Variants in RNF38 observed in about 807,000 individuals in gnomAD.
RNF38 encodes ring finger protein 38, also known as E3 ubiquitin-protein ligase RNF38.
Under a neutral mutation model 67.2 loss-of-function variants are expected in RNF38, and 15 were observed. That is an observed-to-expected ratio of 0.22 (90% CI 0.15 to 0.34). The LOEUF (loss-of-function observed/expected upper bound fraction) is 0.34, where lower values mean the gene tolerates loss of function less well. Among genes scored for constraint, RNF38 ranks in the 10% least tolerant of loss-of-function variants. The pLI is 1.00. For synonymous variants in RNF38, 220 were observed against 218.8 expected, an observed-to-expected ratio of 1.01 and a Z score of -0.05; for missense variants, 524 against 639.9, an observed-to-expected ratio of 0.82 and a Z score of 1.95.
intron 3 of RNF38, among the ~76,000 whole-genome samples, chr9:36,374,538 G>A (rs893305187): frequency 2.6e-5 from 4 of 152,026 alleles, no homozygotes; most frequent in African/African-American, 9.7e-5. Context: ...GCAGTGGTGC[G>A]GTCTTGGCTC....
At chr9:36,483,663 G>A (rs368157343) in intron 1 of RNF38, among the ~76,000 whole-genome samples, 53 of 152,286 alleles carry the variant, frequency 3.5e-4, no homozygotes, top group Middle Eastern at 3.4e-3. Context: ...AGGTTCAGAC[G>A]GCTGAACCTC....
At chr9:36,400,291 C>G (rs1411253099), upstream of RNF38, 9 of 1,295,712 alleles carry the variant, frequency 6.9e-6, no homozygotes, top group Middle Eastern at 4.0e-4. Flanking sequence ...CCCTTTCGAC[C>G]GGGTTCCGCG....
At chr9:36,364,243 A>G (rs568762837) in intron 4 of RNF38, among the ~76,000 whole-genome samples, 3 of 152,282 alleles carry the variant, frequency 2.0e-5, no homozygotes, top group African/African-American at 7.2e-5. Context: ...ACAGGGATGA[A>G]GACCTTTATG....
At chr9:36,423,511 C>A (rs550302332) in intron 2 of RNF38, among the ~76,000 whole-genome samples, 1 of 152,238 alleles carries the variant, frequency 6.6e-6, no homozygotes, top group Admixed American at 6.5e-5. Context: ...ATATAACACG[C>A]AGAAAATGGG....
chr9:36,481,016 CTTT>C (rs1160092271), intron 1 of RNF38, among the ~76,000 whole-genome samples: 6 of 136,154 alleles, frequency 4.4e-5, no homozygotes, highest in Non-Finnish European at 3.2e-5. Flanking sequence ...TCTTCTCTTT[CTTT>C]TTTTTTTTTT....
Position 36,364,423 on chromosome 9 carries a change from G to A in RNF38, c.570+5296C>T, listed in dbSNP as rs73648744. Among the ~76,000 whole-genome samples, 571 of 151,936 alleles carry A rather than the reference G, an allele frequency of 3.8e-3. 3 individuals are homozygous for A. The highest frequency in any genetic ancestry group is 0.013 in the African/African-American group (547 of 41,424). ...TATGTGTATTTTCAACAGTGTAGAG[G>A]GTTGGTACCTCTAACCCCTGTATTT... On this transcript the variant is annotated intron_variant, in intron 4 of 11. Transcript: ENST00000259605.
chr9:36,447,621 A>T (rs1277106396), intron 1 of RNF38, among the ~76,000 whole-genome samples: 1 of 152,216 alleles, frequency 6.6e-6, no homozygotes, highest in South Asian at 2.1e-4. Context: ...GCCACCGAAG[A>T]AGCCTAATGA....
At chr9:36,404,914 T>TG (rs908773984), upstream of RNF38, among the ~76,000 whole-genome samples, 1 of 99,058 alleles carries the variant, frequency 1.0e-5, no homozygotes, top group Non-Finnish European at 2.5e-5. Flanking sequence ...TTTGTAGTTT[T>TG]GTTTTTTTTT....
intron 1 of RNF38, among the ~76,000 whole-genome samples, chr9:36,429,935 A>T (rs1838887465): frequency 6.6e-6 from 1 of 152,166 alleles, no homozygotes; most frequent in Admixed American, 6.5e-5. Flanking sequence ...AAGGATGTGG[A>T]ACCTACAGAT....
intron 3 of RNF38, among the ~76,000 whole-genome samples, chr9:36,371,600 C>T (rs1298648216): frequency 1.3e-5 from 2 of 151,920 alleles, no homozygotes; most frequent in Non-Finnish European, 2.9e-5. Flanking sequence ...ATGTCCACCA[C>T]CAAGCCCAGT....
chr9:36,457,744 C>T (rs1839627331), intron 1 of RNF38, among the ~76,000 whole-genome samples: 2 of 151,716 alleles, frequency 1.3e-5, no homozygotes, highest in Non-Finnish European at 2.9e-5. Context: ...CCCGTCTCTA[C>T]TAAATAAACA....
Position 36,392,098 on chromosome 9 carries a change from C to T in RNF38, c.13-1482G>A, listed in dbSNP as rs554158354. 1.3e-4 allele frequency among the ~76,000 whole-genome samples: 20 copies of T among 152,170 alleles called. No individual in the cohort carries two copies. The East Asian group carries it at 3.9e-3, about 29-fold the overall frequency. On this transcript the variant is annotated intron_variant, in intron 1 of 11. Coordinates refer to ENST00000259605, the MANE Select transcript of RNF38 (RefSeq NM_022781.5). ...AGATAGTAAGGAAGCAGCCAGAAAC[C>T]GATCATAAAATGAAATGCTATTAAT...
intron 9 of RNF38, among the ~76,000 whole-genome samples, chr9:36,350,213 G>C (rs756290385): frequency 9.9e-5 from 15 of 152,184 alleles, no homozygotes; most frequent in African/African-American, 3.1e-4. Context: ...CTTTCTATTC[G>C]CAGTTCCTAA....
intron 1 of RNF38, among the ~76,000 whole-genome samples, chr9:36,468,020 A>G (rs1403267764): frequency 6.6e-6 from 1 of 152,162 alleles, no homozygotes; most frequent in Non-Finnish European, 1.5e-5. Context: ...AGGTGGGAAG[A>G]CTGAGTGAGC....
intron 2 of RNF38, among the ~76,000 whole-genome samples, chr9:36,416,595 G>A (rs1370278190): frequency 6.6e-6 from 1 of 152,080 alleles, no homozygotes; most frequent in Non-Finnish European, 1.5e-5. Context: ...TTATTACAAA[G>A]TTAGGCTGTA....
intron 1 of RNF38, among the ~76,000 whole-genome samples, chr9:36,481,721 G>A (rs569809885): frequency 2.6e-5 from 4 of 152,028 alleles, no homozygotes; most frequent in Non-Finnish European, 5.9e-5. Context: ...ATTCATCCAC[G>A]ACAACTGTCC....
intron 2 of RNF38, among the ~76,000 whole-genome samples, chr9:36,387,052 T>C (rs9407039): frequency 0.055 from 8,329 of 152,236 alleles, 706 homozygotes; most frequent in African/African-American, 0.18. Context: ...ATCCACCTGC[T>C]TCGGCCTCCC....
At chr9:36,357,671 C>T (rs747480584) in intron 5 of RNF38, 104 bp downstream of exon 5, 4 of 769,780 alleles carry the variant, frequency 5.2e-6, no homozygotes, top group Non-Finnish European at 8.1e-6. Flanking sequence ...TTATATAATG[C>T]AGTTAGCCCC....
Position 36,390,582 on chromosome 9 carries a change from C to T in RNF38, c.47G>A (p.Gly16Asp). The change falls in exon 2 of 12, where the codon GGC becomes GAC. Residue 16 changes from glycine (G) to aspartate (D), a missense_variant. Gly to Asp is a moderately conservative substitution (Grantham distance 94). Transcript: ENST00000259605. The stretch of plus-strand genomic sequence containing the variant: ...TTCACAAATCACCTTGTTAGGATGG[C>T]CAGGTAGAGATGCTGAATTGGCCCC... ...SPGANSASLP[G>D]HPNKVICERV... is the part of the protein sequence containing the mutation. 6.2e-7 allele frequency: 1 copy of T among 1,613,952 alleles called. No homozygotes were observed. Among genetic ancestry groups the T allele is most frequent in the Non-Finnish European group, 8.5e-7 (1 of 1,179,972 alleles).
Sources: gnomAD v4.1 joint callset for allele counts (sites outside exome capture counted in the v4.1 genomes callset) on GRCh38, gnomAD v4.1.1 for gene constraint, MANE v1.5 for transcripts, NCBI Gene and HGNC (gene_info 2026-07-23, HGNC 2026-07-21) for gene names.